LZTS2: variants seen among roughly 807,000 people sequenced by gnomAD.
The protein encoded by LZTS2 is leucine zipper tumor suppressor 2.
In LZTS2, 32 loss-of-function variants were observed where a neutral mutation model predicts 60.6. The observed-to-expected ratio is 0.53, with a 90% CI of 0.40 to 0.71. The LOEUF is 0.71. Ranked by LOEUF, LZTS2 falls within the 30% of genes least tolerant of loss-of-function variation. The pLI, the probability that LZTS2 is intolerant of heterozygous loss-of-function variation, is 0.00. For missense variants in LZTS2, 792 were observed against 901.9 expected (o/e 0.88, Z 1.56); for synonymous variants, 360 against 393.1 (o/e 0.92, Z 1.00).
At chr10:101,002,785 G>A in exon 1 of LZTS2, 1 of 1,613,770 alleles carries the variant, frequency 6.2e-7, no homozygotes, top group South Asian at 1.1e-5. Flanking sequence ...TAGGAAGGCT[G>A]TCCCTGTCAC....
chr10:101,003,911 A>G lies in LZTS2; in HGVS notation c.813A>G (p.Ser271=), dbSNP rs776860485. The G allele has an allele frequency of 1.3e-5, 21 of 1,612,132 alleles. 1 individual carries two copies. In the South Asian group the frequency reaches 2.3e-4, roughly 18 times the overall value. ...GGGTCCCTACTGGGCCCTCCCACTC[A>G]GACAGTGGCCGGTCCTCCTCCAGCA... The change falls in exon 2 of 4, where the codon TCA becomes TCG. Residue 271 remains serine, a synonymous_variant. Coordinates refer to ENST00000370220, the Ensembl canonical transcript of LZTS2.
At chr10:101,005,201 T>TGTGTTGCCTA (rs1257832602) in intron 2 of LZTS2, among the ~76,000 whole-genome samples, 1 of 152,156 alleles carries the variant, frequency 6.6e-6, no homozygotes, top group African/African-American at 2.4e-5. Flanking sequence ...AGGGTTTTGC[T>TGTGTTGCCTA]GTGTTGCCTA....
chr10:101,002,859 T>C (rs1852074298), exon 1 of LZTS2: 1 of 1,613,846 alleles, frequency 6.2e-7, no homozygotes, highest in Non-Finnish European at 8.5e-7. Flanking sequence ...GCAGTGATGT[T>C]GAGGATGCCC....
At chr10:101,005,776 G>C (rs1852167058) in intron 3 of LZTS2, 61 bp downstream of exon 4, 1 of 1,446,466 alleles carries the variant, frequency 6.9e-7, no homozygotes, top group Admixed American at 2.7e-5. Flanking sequence ...TGGAAAAAGG[G>C]GCCCAGCCCC....
chr10:101,000,779 T>C (rs936025859), exon 1 of LZTS2: 3 of 152,152 alleles, frequency 2.0e-5, no homozygotes, highest in Non-Finnish European at 1.5e-5. Context: ...TCTGCTCTGC[T>C]GGGGGCTGGG....
At chr10:101,003,123 A>G (rs1852082934) in intron 1 of LZTS2, 177 bp downstream of exon 2, 1 of 788,256 alleles carries the variant, frequency 1.3e-6, no homozygotes, top group Non-Finnish European at 1.9e-6. Flanking sequence ...ACTTAACCTG[A>G]GCCTCAGTTT....
At chr10:101,002,620 A>G (rs1432478228) in exon 1 of LZTS2, 1 of 1,596,246 alleles carries the variant, frequency 6.3e-7, no homozygotes, top group Non-Finnish European at 8.5e-7. Context: ...AGTCATGGGT[A>G]GTGTGAGCAG....
upstream of LZTS2, among the ~76,000 whole-genome samples, chr10:100,998,086 C>A (rs1851951373): frequency 1.3e-5 from 2 of 152,226 alleles, no homozygotes; most frequent in Admixed American, 1.3e-4. Context: ...CCACTCCTTG[C>A]GGGAGTCGGA....
upstream of LZTS2, among the ~76,000 whole-genome samples, chr10:100,998,103 TC>T (rs1013274230): frequency 7.9e-5 from 12 of 151,380 alleles, no homozygotes; most frequent in African/African-American, 2.9e-4. Context: ...CGGAGTCTCC[TC>T]CCCCCAGAAA....
chr10:101,002,702 T>C (rs1327337014), exon 1 of LZTS2: 4 of 1,611,042 alleles, frequency 2.5e-6, no homozygotes, highest in Non-Finnish European at 3.4e-6. Context: ...GGGCCCACCT[T>C]CTTCCGCCAG....
chr10:100,998,419 G>A (rs566227626), upstream of LZTS2: 3 of 153,018 alleles, frequency 2.0e-5, no homozygotes, highest in East Asian at 5.8e-4. Flanking sequence ...GGGTGAGTCA[G>A]GGTGGCTGGG....
chr10:101,007,600 C>T (rs902753432), exon 4 of LZTS2: 11 of 1,274,782 alleles, frequency 8.6e-6, no homozygotes, highest in East Asian at 1.2e-4. Context: ...GGGACAGGGC[C>T]GGGCCTGGGC....
chr10:100,997,062 C>T (rs2133953711), upstream of LZTS2: 1 of 152,802 alleles, frequency 6.5e-6, no homozygotes, highest in Non-Finnish European at 1.5e-5. Flanking sequence ...CCCCGCCCCG[C>T]CCCGCTCCAC....
At chr10:101,007,638 C>A in exon 4 of LZTS2, 1 of 1,225,140 alleles carries the variant, frequency 8.2e-7, no homozygotes, top group Non-Finnish European at 1.0e-6. Flanking sequence ...GCTCTGCAGC[C>A]TCTCTCCTGG....
chr10:101,003,079 T>G lies in LZTS2; in HGVS notation c.408+133T>G, dbSNP rs536232980. 492 of 1,153,114 alleles carry G rather than the reference T, an allele frequency of 4.3e-4. 4 individuals are homozygous for G. The South Asian group carries it at 5.0e-3, about 12-fold the overall frequency. The allele number at this position is 1,153,114 out of a possible 1,614,324, so 71.4% of individuals were successfully genotyped here. A position where few individuals can be genotyped will look rare whatever the true frequency, so the allele number is the denominator to read the frequency against. On this transcript the variant is annotated intron_variant, in intron 1 of 3. Coordinates refer to ENST00000370220, the Ensembl canonical transcript of LZTS2. ...CAGACCTGGGTCCTAATCCCAGCTC[T>G]CTCTCATTCTGGATGTGTGACCTCA...
chr10:101,001,972 G>A (rs764895724), exon 1 of LZTS2: 7 of 152,276 alleles, frequency 4.6e-5, no homozygotes, highest in East Asian at 1.9e-4. Flanking sequence ...CAGTTTAGCC[G>A]CCTTTCTGTC....
upstream of LZTS2, chr10:100,997,325 G>C (rs2133954386): frequency 6.6e-6 from 1 of 152,344 alleles, no homozygotes; most frequent in East Asian, 1.9e-4. Flanking sequence ...GAAGCTAGGG[G>C]TTGGGGTGAG....
At chr10:100,997,835 C>T (rs1364243579), upstream of LZTS2, among the ~76,000 whole-genome samples, 1 of 152,188 alleles carries the variant, frequency 6.6e-6, no homozygotes, top group Non-Finnish European at 1.5e-5. Flanking sequence ...AGCCCTCTCC[C>T]GGGAACCGGA....
upstream of LZTS2, chr10:100,996,973 G>C (rs1006485981): frequency 7.2e-5 from 11 of 152,616 alleles, no homozygotes; most frequent in African/African-American, 2.4e-4. Flanking sequence ...GTCACTCTTA[G>C]GCTGGGCACT....
Sources: gnomAD v4.1 joint callset for allele counts (sites outside exome capture counted in the v4.1 genomes callset) on GRCh38, gnomAD v4.1.1 for gene constraint, MANE v1.5 for transcripts, NCBI Gene and HGNC (gene_info 2026-07-23, HGNC 2026-07-21) for gene names.